DEFB128: variants seen among roughly 807,000 people sequenced by gnomAD.
DEFB128 encodes the protein defensin beta 128, also known as beta-defensin 128.
Under a neutral mutation model 2.4 loss-of-function variants are expected in DEFB128, and 1 was observed. The observed-to-expected ratio is 0.41, with a 90% CI of 0.15 to 1.96. DEFB128 has a LOEUF of 1.96. DEFB128 is among the 30% of genes most tolerant of loss of function. The probability of loss-of-function intolerance (pLI) is 0.30; values close to 1 mark genes in which losing one functional copy is unlikely to be tolerated. For missense variants in DEFB128, 129 were observed against 104.9 expected (o/e 1.23, Z -1.00); for synonymous variants, 59 against 39.1 (o/e 1.51, Z -1.89).
Position 189,583 on chromosome 20 carries a change from A to G in DEFB128, c.41T>C (p.Val14Ala). Residue 14 changes from valine to alanine, a missense_variant, in exon 1 of 2, where the codon GTA (valine) becomes GCA (alanine). Transcript: ENST00000334391. The part of the protein sequence containing the change: ...FLVLIILLFE[V>A]LTDGARLKKC... ...ACATTTGGACAAGTTACCTGTGAGTACCTCAAACAGCAGAATAATGAGAAC... is the reference window on the plus strand; with the variant it reads ...ACATTTGGACAAGTTACCTGTGAGTGCCTCAAACAGCAGAATAATGAGAAC... 2 of 1,613,862 alleles carry G rather than the reference A, an allele frequency of 1.2e-6. No individual in the cohort carries two copies. The highest frequency in any genetic ancestry group is 1.7e-6 in the Non-Finnish European group (2 of 1,179,802).
rs1167442886 is a variant in DEFB128, at chr20:189,672, T to C, written c.-49A>G. 1 of 1,595,206 alleles carries C rather than the reference T, an allele frequency of 6.3e-7. No individual in the cohort carries two copies. Among genetic ancestry groups the C allele is most frequent in the African/African-American group, 1.3e-5 (1 of 74,480 alleles). ...GAGGCAGCAGAACTTTGTCCAGTGG[T>C]CTGTGTGCCACAGGTCTTTAAAGAT... On this transcript the variant is annotated 5_prime_UTR_variant, in exon 1 of 2. Transcript: ENST00000334391.
At chr20:188,176 T>TA in intron 1 of DEFB128, 58 bp from the exon 2 acceptor site, 1 of 1,518,038 alleles carries the variant, frequency 6.6e-7, no homozygotes, top group Admixed American at 1.7e-5. Context: ...GCAGAAGAGG[T>TA]AGGTATGTGG....
At chr20:188,146 A>G (rs915593665) in intron 1 of DEFB128, 28 bp from the exon 2 acceptor site, 1 of 1,601,716 alleles carries the variant, frequency 6.2e-7, no homozygotes, top group Admixed American at 1.7e-5. Flanking sequence ...CATTGAACCA[A>G]GGTTAGTGCG....
intron 1 of DEFB128, 100 bp from the exon 2 acceptor site, chr20:188,218 A>C: frequency 9.3e-7 from 1 of 1,074,188 alleles, no homozygotes; most frequent in Admixed American, 1.7e-5. Context: ...CTATGGTCCC[A>C]AGTGAACATT....
In DEFB128 at chr20:187,913, T is replaced by C; in HGVS notation, c.255A>G (p.Leu85=). ...AGACTGTGAAAATGGTGATGGTGGG[T>C]AAGATGATGTAATCCTGCAGCACAC... is the stretch of plus-strand genomic sequence containing the variant. ...KLSVLQDYII[L]PTITIFTV Residue 85 remains leucine, a synonymous_variant, in exon 2 of 2, where the codon TTA becomes TTG. Transcript: ENST00000334391. 1 of 1,613,870 alleles carries C rather than the reference T, an allele frequency of 6.2e-7. No homozygotes were observed. Among genetic ancestry groups the C allele is most frequent in the South Asian group, 1.1e-5 (1 of 91,064 alleles).
intron 1 of DEFB128, among the ~76,000 whole-genome samples, chr20:188,740 G>A (rs1049667375): frequency 6.6e-6 from 1 of 152,162 alleles, no homozygotes; most frequent in Admixed American, 6.5e-5. Flanking sequence ...TCAGATAAAT[G>A]TGTTGCCCAG....
rs1230570537 is a variant in DEFB128 at position 188,185 on chromosome 20, G to T, written c.50-67C>A. The T allele has an allele frequency of 3.4e-6, 5 of 1,460,522 alleles. No individual in the cohort carries two copies. The Admixed American group carries it at 5.0e-5, about 15-fold the overall frequency. The allele number at this position is 1,460,522 out of a possible 1,614,324, so 90.5% of individuals were successfully genotyped here. On this transcript the variant is annotated intron_variant, in intron 1 of 1. Transcript: ENST00000334391. The stretch of plus-strand genomic sequence containing the variant: ...GGAAGAGCAGAAGAGGTAGGTATGT[G>T]GTTCCCCACAAGTCATGGCCTCCTA...
rs2011120329 is a variant in DEFB128, at chr20:189,685, G to A, written c.-62C>T. 1 of 1,574,462 alleles carries A rather than the reference G, an allele frequency of 6.4e-7. No homozygotes were observed. Among genetic ancestry groups the A allele is most frequent in the Non-Finnish European group, 8.7e-7 (1 of 1,145,578 alleles). ...TTTGTCCAGTGGTCTGTGTGCCACA[G>A]GTCTTTAAAGATGATCCAGAGTTTT... On this transcript the variant is annotated 5_prime_UTR_variant, in exon 1 of 2. Transcript: ENST00000334391.
At chr20:188,221 T>G (rs1406977839) in intron 1 of DEFB128, 103 bp from the exon 2 acceptor site, 1 of 1,052,560 alleles carries the variant, frequency 9.5e-7, no homozygotes, top group South Asian at 1.3e-5. Context: ...TGGTCCCAAG[T>G]GAACATTATG....
rs1006595469 is a variant in DEFB128, at chr20:189,695, G to A, written c.-72C>T. 5.8e-6 allele frequency: 9 copies of A among 1,550,108 alleles called. No homozygotes were observed. The highest frequency in any genetic ancestry group is 8.0e-6 in the Non-Finnish European group (9 of 1,124,658). ...GGTCTGTGTGCCACAGGTCTTTAAA[G>A]ATGATCCAGAGTTTTGAGAGCTATC... On this transcript the variant is annotated 5_prime_UTR_variant, in exon 1 of 2. Coordinates refer to ENST00000334391, the MANE Select transcript of DEFB128 (RefSeq NM_001037732.3).
Position 189,691 on chromosome 20 carries a change from T to C in DEFB128, c.-68A>G. On this transcript the variant is annotated 5_prime_UTR_variant, in exon 1 of 2. Transcript: ENST00000334391. ...CAGTGGTCTGTGTGCCACAGGTCTT[T>C]AAAGATGATCCAGAGTTTTGAGAGC... 6.4e-7 allele frequency: 1 copy of C among 1,555,610 alleles called. No homozygotes were observed. Among genetic ancestry groups the C allele is most frequent in the Non-Finnish European group, 8.9e-7 (1 of 1,129,098 alleles).
chr20:189,468 T>A lies in DEFB128; in HGVS notation c.49+107A>T. The A allele has an allele frequency of 2.3e-6, 3 of 1,285,522 alleles. No homozygotes were observed. The Admixed American group carries it at 5.5e-5, about 24-fold the overall frequency. The allele number at this position is 1,285,522 out of a possible 1,614,324, so 79.6% of individuals were successfully genotyped here. ...CAAGTCAGGCAACCAGGAGAATGGGTACTTTTTTATGATTTTGGCCAAATA... is the reference window on the plus strand; with the variant it reads ...CAAGTCAGGCAACCAGGAGAATGGGAACTTTTTTATGATTTTGGCCAAATA... On this transcript the variant is annotated intron_variant, in intron 1 of 1. Coordinates refer to ENST00000334391, the MANE Select transcript of DEFB128 (RefSeq NM_001037732.3).
chr20:189,699 A>T lies in DEFB128; in HGVS notation c.-76T>A. 6.5e-7 allele frequency: 1 copy of T among 1,545,970 alleles called. No homozygotes were observed. ...TGTGTGCCACAGGTCTTTAAAGATG[A>T]TCCAGAGTTTTGAGAGCTATCAGCG... On this transcript the variant is annotated 5_prime_UTR_variant, in exon 1 of 2. Transcript: ENST00000334391.
intron 1 of DEFB128, among the ~76,000 whole-genome samples, chr20:189,172 T>C (rs2011117832): frequency 6.6e-6 from 1 of 152,184 alleles, no homozygotes; most frequent in East Asian, 1.9e-4. Flanking sequence ...GCTTAATTCA[T>C]ACAACCCGTC....
rs2011112696 is a variant in DEFB128 at position 188,020 on chromosome 20, T to C, written c.148A>G (p.Lys50Glu). The C allele has an allele frequency of 6.2e-7, 1 of 1,614,132 alleles. No individual in the cohort carries two copies. Among genetic ancestry groups the C allele is most frequent in the South Asian group, 1.1e-5 (1 of 91,082 alleles). The change falls in exon 2 of 2, where the codon AAA becomes GAA. Residue 50 changes from lysine (K) to glutamate (E), a missense_variant. Transcript: ENST00000334391. ...ERYEIGCLSG[K>E]LCCANDEEEK... ...TCTTCATCATTAGCACAACATAATT[T>C]CCCACTTAGACATCCTATTTCATAT...
Position 187,872 on chromosome 20 carries a change from G to T in DEFB128, c.*14C>A. The T allele has an allele frequency of 6.2e-7, 1 of 1,613,186 alleles. No homozygotes were observed. Among genetic ancestry groups the T allele is most frequent in the Non-Finnish European group, 8.5e-7 (1 of 1,179,346 alleles). ...GAAGAGTGGAGACCAGCGAGACAAG[G>T]GCTAGATTTAGGATTAGACTGTGAA... On this transcript the variant is annotated 3_prime_UTR_variant, in exon 2 of 2. Transcript: ENST00000334391.
At chr20:189,423 T>C in intron 1 of DEFB128, 152 bp downstream of exon 1, 1 of 774,604 alleles carries the variant, frequency 1.3e-6, no homozygotes, top group Non-Finnish European at 2.1e-6. Flanking sequence ...CTTGGGTGCC[T>C]CTCTTCTAAG....
Position 189,587 on chromosome 20 carries a change from C to T in DEFB128, c.37G>A (p.Glu13Lys), listed in dbSNP as rs1355759916. ...LFLVLIILLF[E>K]VLTDGARLKK... Reference sequence around the variant, plus strand: ...TTGGACAAGTTACCTGTGAGTACCTCAAACAGCAGAATAATGAGAACCAGA... The same window carrying T: ...TTGGACAAGTTACCTGTGAGTACCTTAAACAGCAGAATAATGAGAACCAGA... Residue 13 changes from glutamate (E) to lysine (K), a missense_variant, in exon 1 of 2, where the codon GAG (glutamate) becomes AAG (lysine). Transcript: ENST00000334391. 6 of 1,613,774 alleles carry T rather than the reference C, an allele frequency of 3.7e-6. No individual in the cohort carries two copies. In the South Asian group the frequency reaches 6.6e-5, roughly 18 times the overall value.
intron 1 of DEFB128, among the ~76,000 whole-genome samples, chr20:188,620 A>G (rs1183531260): frequency 6.6e-6 from 1 of 152,224 alleles, no homozygotes; most frequent in Non-Finnish European, 1.5e-5. Flanking sequence ...TATGGGCAAC[A>G]GAAATCTCCC....
Sources: allele counts gnomAD v4.1 joint callset (sites outside exome capture counted in the v4.1 genomes callset), GRCh38; gene constraint gnomAD v4.1.1; transcripts MANE v1.5; gene names NCBI Gene and HGNC (gene_info 2026-07-23, HGNC 2026-07-21).